The following ERLEC1 variants were observed in gnomAD, a reference collection of about 807,000 sequenced individuals.
ERLEC1 encodes the protein endoplasmic reticulum lectin 1, also known as ER lectin.
In ERLEC1, 47 loss-of-function variants were observed where a neutral mutation model predicts 68.0. The observed-to-expected ratio is 0.69, with a 90% CI of 0.55 to 0.88. The LOEUF (loss-of-function observed/expected upper bound fraction) is 0.88, where lower values mean the gene tolerates loss of function less well. ERLEC1 is among the 40% of genes least tolerant of loss of function. ERLEC1 has a pLI of 0.00. For synonymous variants in ERLEC1, 225 were observed against 203.2 expected, an observed-to-expected ratio of 1.11 and a Z score of -0.91; for missense variants, 567 against 583.8, an observed-to-expected ratio of 0.97 and a Z score of 0.30.
chr2:53,789,632 C>T lies in ERLEC1; in HGVS notation c.162+2260C>T, dbSNP rs143868066. ...CTGTGAATTGTCACAAGGCCTATGT[C>T]CTTTATGTAAAAATAAGCCACAATA... On this transcript the variant is annotated intron_variant, in intron 1 of 13. Coordinates refer to ENST00000185150, the MANE Select transcript of ERLEC1 (RefSeq NM_015701.5). Among the ~76,000 whole-genome samples the T allele has an allele frequency of 9.0e-3, 1,364 of 152,052 alleles. 19 individuals are homozygous for T. The highest frequency in any genetic ancestry group is 0.029 in the South Asian group (142 of 4,818).
chr2:53,814,727 C>T, intron 12 of ERLEC1, 107 bp downstream of exon 12: 1 of 1,002,040 alleles, frequency 1.0e-6, no homozygotes, highest in Non-Finnish European at 1.5e-6. Flanking sequence ...TGAAAGTATA[C>T]CATTTAAATT....
chr2:53,790,054 C>G (rs1442320376), intron 1 of ERLEC1, among the ~76,000 whole-genome samples: 4 of 151,252 alleles, frequency 2.6e-5, no homozygotes, highest in Admixed American at 6.6e-5. Context: ...AACCACTACT[C>G]TCCTCACCTG....
Position 53,787,129 on chromosome 2 carries a change from CCTCCT to C in ERLEC1, c.-80_-76del. The stretch of plus-strand genomic sequence containing the variant: ...CGGGCGCTTTATAGTCCCGCCGCCT[CCTCCT>C]CCACCTCCTCCTCCTCCTCCTCTCC... On this transcript the variant is annotated 5_prime_UTR_variant, in exon 1 of 14. Coordinates refer to ENST00000185150, the MANE Select transcript of ERLEC1 (RefSeq NM_015701.5). 1 of 1,283,446 alleles carries C rather than the reference CCTCCT, an allele frequency of 7.8e-7. No individual in the cohort carries two copies. Among genetic ancestry groups the C allele is most frequent in the Non-Finnish European group, 1.0e-6 (1 of 977,626 alleles). The allele number at this position is 1,283,446 out of a possible 1,614,324, so 79.5% of individuals were successfully genotyped here.
At chr2:53,797,009 A>G (rs991200479) in intron 3 of ERLEC1, among the ~76,000 whole-genome samples, 1 of 148,080 alleles carries the variant, frequency 6.8e-6, no homozygotes, top group Admixed American at 7.0e-5. Context: ...CTTCTGCCTC[A>G]GCCTCCCAAG....
chr2:53,791,679 C>A (rs1675399194), intron 1 of ERLEC1, among the ~76,000 whole-genome samples: 1 of 152,082 alleles, frequency 6.6e-6, no homozygotes, highest in African/African-American at 2.4e-5. Context: ...CTATTATTTG[C>A]ATCAAGAATT....
intron 8 of ERLEC1, among the ~76,000 whole-genome samples, chr2:53,804,085 T>C (rs1366459571): frequency 6.6e-6 from 1 of 152,102 alleles, no homozygotes; most frequent in Non-Finnish European, 1.5e-5. Context: ...TAGCCAAGAT[T>C]GCACCACTGC....
In ERLEC1 at chr2:53,801,781, C is replaced by A; in HGVS notation, c.818C>A (p.Thr273Asn). 6.2e-7 allele frequency: 1 copy of A among 1,613,914 alleles called. No homozygotes were observed. Among genetic ancestry groups the A allele is most frequent in the Non-Finnish European group, 8.5e-7 (1 of 1,179,814 alleles). Residue 273 changes from threonine to asparagine, a missense_variant, in exon 8 of 14, where the codon ACC becomes AAC. Physicochemically the swap from Thr to Asn is moderately conservative, Grantham distance 65 (BLOSUM62 0). Transcript: ENST00000185150. The part of the protein sequence containing the change: ...SLPGSPFKPL[T>N]LRQLEQQEEI... ...CCAGGATCTCCATTTAAGCCCCTCA[C>A]CCTGAGGCAGCTGGAGCAGCAGGAA...
chr2:53,794,250 A>C, intron 1 of ERLEC1, 95 bp from the exon 2 acceptor site: 1 of 537,036 alleles, frequency 1.9e-6, no homozygotes, highest in Non-Finnish European at 3.3e-6. Flanking sequence ...ATGTTAAATT[A>C]GTTTAAAGAA....
At chr2:53,809,000 G>A (rs540601865) in intron 9 of ERLEC1, among the ~76,000 whole-genome samples, 41 of 152,034 alleles carry the variant, frequency 2.7e-4, no homozygotes, top group Non-Finnish European at 5.0e-4. Flanking sequence ...AGTTACTAGT[G>A]GAATTTTTGT....
At chr2:53,807,127 C>G (rs1195159812) in intron 8 of ERLEC1, among the ~76,000 whole-genome samples, 1 of 152,192 alleles carries the variant, frequency 6.6e-6, no homozygotes, top group Non-Finnish European at 1.5e-5. Flanking sequence ...GTCCAAACCT[C>G]TCAGCATTTA....
chr2:53,800,238 A>G (rs983147126), intron 6 of ERLEC1, among the ~76,000 whole-genome samples: 1 of 152,150 alleles, frequency 6.6e-6, no homozygotes, highest in Non-Finnish European at 1.5e-5. Context: ...CAGTACCATT[A>G]CAGAATATCA....
chr2:53,788,172 T>C (rs1193156347), intron 1 of ERLEC1, among the ~76,000 whole-genome samples: 4 of 152,198 alleles, frequency 2.6e-5, no homozygotes, highest in African/African-American at 9.7e-5. Flanking sequence ...TTACTTCAAA[T>C]TGAAGTCCCG....
intron 8 of ERLEC1, among the ~76,000 whole-genome samples, chr2:53,802,707 C>G (rs75515151): frequency 6.6e-6 from 1 of 152,310 alleles, no homozygotes; most frequent in East Asian, 1.9e-4. Context: ...TCACCATTCC[C>G]TTCATCCCAG....
chr2:53,809,014 A>G (rs1392179009), intron 9 of ERLEC1, among the ~76,000 whole-genome samples, 200 bp from the exon 10 acceptor site: 1 of 152,150 alleles, frequency 6.6e-6, no homozygotes, highest in Admixed American at 6.5e-5. Context: ...TTTTTGTTTT[A>G]TTGTATTTAA....
intron 8 of ERLEC1, among the ~76,000 whole-genome samples, chr2:53,803,744 C>G (rs1676128832): frequency 6.6e-6 from 1 of 152,108 alleles, no homozygotes; most frequent in Non-Finnish European, 1.5e-5. Context: ...GAGTGAGACC[C>G]TATCTCAAAA....
chr2:53,816,588 CTT>C (rs1345766656), intron 13 of ERLEC1, among the ~76,000 whole-genome samples: 1 of 151,906 alleles, frequency 6.6e-6, no homozygotes, highest in Admixed American at 6.6e-5. Context: ...TTATTAATGT[CTT>C]TTGGTGAATG....
Position 53,797,536 on chromosome 2 carries a change from G to A in ERLEC1, c.370G>A (p.Glu124Lys), listed in dbSNP as rs1475965492. Reference protein sequence around the residue: ...SYRIESYWTYEVCHGKHIRQY... With the variant: ...SYRIESYWTYKVCHGKHIRQY... ...TTAGATTGAGTCTTATTGGACTTAC[G>A]AAGTATGTCATGGAAAACACATTCG... The change falls in exon 4 of 14, where the codon GAA (glutamate) becomes AAA (lysine). Residue 124 changes from glutamate to lysine, a missense_variant. By Grantham distance (56) the Glu-to-Lys change is moderately conservative. Transcript: ENST00000185150. The A allele has an allele frequency of 9.3e-6, 15 of 1,612,024 alleles. No individual in the cohort carries two copies. Among genetic ancestry groups the A allele is most frequent in the African/African-American group, 1.3e-5 (1 of 74,842 alleles).
intron 8 of ERLEC1, among the ~76,000 whole-genome samples, chr2:53,807,771 C>G (rs1229760890): frequency 6.6e-6 from 1 of 151,880 alleles, no homozygotes; most frequent in African/African-American, 2.4e-5. Flanking sequence ...CTTTGGGAGT[C>G]CGAGGTGGGT....
At chr2:53,804,268 T>G (rs978741123) in intron 8 of ERLEC1, among the ~76,000 whole-genome samples, 4 of 152,170 alleles carry the variant, frequency 2.6e-5, no homozygotes, top group African/African-American at 9.7e-5. Flanking sequence ...TGTTGTTGTT[T>G]TTGAGACAGA....
Sources: allele counts gnomAD v4.1 joint callset (sites outside exome capture counted in the v4.1 genomes callset), GRCh38; gene constraint gnomAD v4.1.1; transcripts MANE v1.5; gene names NCBI Gene and HGNC (gene_info 2026-07-23, HGNC 2026-07-21).